Variants in GRID2 observed in about 807,000 individuals in gnomAD.
The protein encoded by GRID2 is glutamate receptor ionotropic, delta-2.
A neutral mutation model predicts 114.8 loss-of-function variants in GRID2; 33 were observed. That is an observed-to-expected ratio of 0.29 (90% CI 0.22 to 0.38). The LOEUF (loss-of-function observed/expected upper bound fraction) is 0.38, where lower values mean the gene tolerates loss of function less well. GRID2 is among the 10% of genes least tolerant of loss of function. GRID2 has a pLI of 1.00. For missense variants in GRID2, 1,184 were observed against 1,257.7 expected, an observed-to-expected ratio of 0.94 and a Z score of 0.89; for synonymous variants, 505 against 449.9, an observed-to-expected ratio of 1.12 and a Z score of -1.55.
At chr4:93,218,420 C>T (rs1744485019) in intron 6 of GRID2, among the ~76,000 whole-genome samples, 1 of 152,068 alleles carries the variant, frequency 6.6e-6, no homozygotes, top group Non-Finnish European at 1.5e-5. Flanking sequence ...GGGAGAATCA[C>T]CTGAGCCCTA....
intron 2 of GRID2, among the ~76,000 whole-genome samples, chr4:92,650,460 C>T (rs866318687): frequency 7.2e-5 from 11 of 152,042 alleles, no homozygotes; most frequent in African/African-American, 2.7e-4. Flanking sequence ...AAGATATCTT[C>T]TGTATTCCAG....
intron 4 of GRID2, among the ~76,000 whole-genome samples, chr4:93,127,411 C>T (rs540496323): frequency 6.6e-6 from 1 of 152,224 alleles, no homozygotes; most frequent in South Asian, 2.1e-4. Context: ...AAGAAATGAA[C>T]ATATACATAA....
intron 2 of GRID2, among the ~76,000 whole-genome samples, chr4:92,902,101 A>G (rs1747623570): frequency 6.6e-6 from 1 of 152,164 alleles, no homozygotes. Flanking sequence ...GAAACAGCAG[A>G]AACCACAATT....
chr4:93,155,853 G>C (rs1158431063), intron 4 of GRID2, among the ~76,000 whole-genome samples: 1 of 151,670 alleles, frequency 6.6e-6, no homozygotes, highest in Non-Finnish European at 1.5e-5. Flanking sequence ...AGTGGTGATG[G>C]TTAATGGATA....
chr4:93,378,967 G>T (rs1321370863), intron 8 of GRID2, among the ~76,000 whole-genome samples: 3 of 152,002 alleles, frequency 2.0e-5, no homozygotes, highest in African/African-American at 7.2e-5. Context: ...GTCCAAGATT[G>T]ATTAATGATT....
intron 2 of GRID2, among the ~76,000 whole-genome samples, chr4:92,881,191 C>T (rs1745986376): frequency 6.6e-6 from 1 of 152,188 alleles, no homozygotes; most frequent in African/African-American, 2.4e-5. Context: ...GCGTGAGCCA[C>T]CCAGCTCGGC....
intron 8 of GRID2, among the ~76,000 whole-genome samples, chr4:93,295,970 G>T (rs934085441): frequency 6.6e-6 from 1 of 152,182 alleles, no homozygotes; most frequent in Non-Finnish European, 1.5e-5. Flanking sequence ...TTTTGGAATA[G>T]AGCTGTATTT....
intron 2 of GRID2, among the ~76,000 whole-genome samples, chr4:93,029,607 T>A (rs1262781882): frequency 2.0e-5 from 3 of 152,146 alleles, no homozygotes; most frequent in Non-Finnish European, 4.4e-5. Flanking sequence ...ATCATATTTT[T>A]AAAAGTTACA....
At chr4:92,580,540 T>C (rs1373240123) in intron 1 of GRID2, among the ~76,000 whole-genome samples, 1 of 151,968 alleles carries the variant, frequency 6.6e-6, no homozygotes. Flanking sequence ...AAAATGATTT[T>C]TCATCTCAAA....
intron 13 of GRID2, among the ~76,000 whole-genome samples, chr4:93,535,262 ACACACACAC>A (rs1560725016): frequency 1.3e-5 from 2 of 151,188 alleles, no homozygotes; most frequent in Admixed American, 6.6e-5. Context: ...ACACACACAC[ACACACACAC>A]CACATTTTCT....
intron 2 of GRID2, among the ~76,000 whole-genome samples, chr4:92,908,611 A>G (rs1748140693): frequency 6.6e-6 from 1 of 151,962 alleles, no homozygotes; most frequent in Non-Finnish European, 1.5e-5. Flanking sequence ...AATATGAAAA[A>G]AAAGTACTAA....
At chr4:92,775,258 CTG>C (rs1401758906) in intron 2 of GRID2, among the ~76,000 whole-genome samples, 1 of 152,148 alleles carries the variant, frequency 6.6e-6, no homozygotes, top group South Asian at 2.1e-4. Flanking sequence ...TTTGAGAAAT[CTG>C]TGTTATTAAA....
At chr4:93,364,809 G>T (rs1762188038) in intron 8 of GRID2, among the ~76,000 whole-genome samples, 1 of 151,996 alleles carries the variant, frequency 6.6e-6, no homozygotes, top group Non-Finnish European at 1.5e-5. Flanking sequence ...GCCTTAGATT[G>T]CATTCCTGTC....
chr4:93,656,118 A>C (rs1047565231), intron 14 of GRID2, among the ~76,000 whole-genome samples: 11 of 151,898 alleles, frequency 7.2e-5, no homozygotes, highest in Non-Finnish European at 4.4e-5. Context: ...TTATTAAAAT[A>C]TCCATTTTAT....
intron 13 of GRID2, among the ~76,000 whole-genome samples, chr4:93,564,407 G>A (rs1418177933): frequency 6.6e-6 from 1 of 151,954 alleles, no homozygotes; most frequent in Non-Finnish European, 1.5e-5. Flanking sequence ...AGACCAGAAA[G>A]AACTTAGGTA....
intron 2 of GRID2, among the ~76,000 whole-genome samples, chr4:93,015,400 G>A (rs1722583295): frequency 6.6e-6 from 1 of 152,136 alleles, no homozygotes; most frequent in South Asian, 2.1e-4. Flanking sequence ...CACAAGTCTT[G>A]GTCCTACCCA....
intron 1 of GRID2, among the ~76,000 whole-genome samples, chr4:92,479,931 T>A (rs1722499739): frequency 6.6e-6 from 1 of 152,126 alleles, no homozygotes; most frequent in Admixed American, 6.6e-5. Flanking sequence ...TATTAAAGCA[T>A]TTCATAAATT....
At chr4:93,160,998 A>G (rs1425607367) in intron 4 of GRID2, among the ~76,000 whole-genome samples, 1 of 151,820 alleles carries the variant, frequency 6.6e-6, no homozygotes, top group Admixed American at 6.6e-5. Context: ...GTCTAAAGAA[A>G]TGATGTATAT....
intron 9 of GRID2, among the ~76,000 whole-genome samples, chr4:93,410,916 C>G (rs1228530380): frequency 2.0e-5 from 3 of 152,172 alleles, no homozygotes; most frequent in Non-Finnish European, 4.4e-5. Context: ...ATTGGATTCT[C>G]TTCTTCCAGA....
Sources: allele counts gnomAD v4.1 joint callset (sites outside exome capture counted in the v4.1 genomes callset), GRCh38; gene constraint gnomAD v4.1.1; transcripts MANE v1.5; gene names NCBI Gene and HGNC (gene_info 2026-07-23, HGNC 2026-07-21).